Variants in PTPN4 observed in about 807,000 individuals in gnomAD.
The protein encoded by PTPN4 is tyrosine-protein phosphatase non-receptor type 4.
In PTPN4, 49 loss-of-function variants were observed where a neutral mutation model predicts 135.5. The observed-to-expected ratio is 0.36, with a 90% CI of 0.29 to 0.46. The LOEUF (loss-of-function observed/expected upper bound fraction) is 0.46, where lower values mean the gene tolerates loss of function less well. PTPN4 is among the 20% of genes least tolerant of loss of function. The probability of loss-of-function intolerance (pLI) is 1.00; values close to 1 mark genes in which losing one functional copy is unlikely to be tolerated. For missense variants in PTPN4, 860 were observed against 1,101.0 expected, an observed-to-expected ratio of 0.78 and a Z score of 3.10; for synonymous variants, 333 against 369.9, an observed-to-expected ratio of 0.90 and a Z score of 1.14.
At chr2:119,971,329 A>G (rs1301146874) in intron 26 of PTPN4, among the ~76,000 whole-genome samples, 1 of 152,228 alleles carries the variant, frequency 6.6e-6, no homozygotes, top group Non-Finnish European at 1.5e-5. Flanking sequence ...GTCTGCCCCC[A>G]TTATTCAGTC....
chr2:119,952,574 A>G (rs994344101), intron 19 of PTPN4, among the ~76,000 whole-genome samples: 1 of 152,212 alleles, frequency 6.6e-6, no homozygotes, highest in Non-Finnish European at 1.5e-5. Context: ...CTAGTACTCA[A>G]TAAATACTAG....
chr2:119,887,795 T>A (rs1558755366), intron 9 of PTPN4, among the ~76,000 whole-genome samples: 2 of 152,194 alleles, frequency 1.3e-5, no homozygotes, highest in Non-Finnish European at 2.9e-5. Context: ...TAATATATTT[T>A]GACATCAGGT....
rs901334707 is a variant in PTPN4, at chr2:119,780,844, A to G, written c.-18+20460A>G. Among the ~76,000 whole-genome samples the G allele has an allele frequency of 3.3e-5, 5 of 152,074 alleles. 1 individual carries two copies. Among genetic ancestry groups the G allele is most frequent in the Admixed American group, 6.5e-5 (1 of 15,268 alleles). Reference sequence around the variant, plus strand: ...GGATTATGTATCTTGTTACCCAACAACTCTCACCCAGTGATTTTAGCATTT... The same window carrying G: ...GGATTATGTATCTTGTTACCCAACAGCTCTCACCCAGTGATTTTAGCATTT... On this transcript the variant is annotated intron_variant, in intron 1 of 26. Transcript: ENST00000263708.
chr2:119,939,323 C>T (rs1408154648), intron 15 of PTPN4, among the ~76,000 whole-genome samples: 1 of 152,116 alleles, frequency 6.6e-6, no homozygotes, highest in African/African-American at 2.4e-5. Flanking sequence ...TATTTAGGGA[C>T]AGGGTCTTGC....
In PTPN4 at chr2:119,881,787, T is replaced by C; in HGVS notation, c.370T>C (p.Tyr124His). 1 of 1,555,190 alleles carries C rather than the reference T, an allele frequency of 6.4e-7. No individual in the cohort carries two copies. The highest frequency in any genetic ancestry group is 8.8e-7 in the Non-Finnish European group (1 of 1,135,670). ...CCTTTTTGTTTGTTTGTTTTTAAGGTACCAGTATTTTTTGCAAATTAAACA... is the reference window on the plus strand; with the variant it reads ...CCTTTTTGTTTGTTTGTTTTTAAGGCACCAGTATTTTTTGCAAATTAAACA... Reference protein sequence around the residue: ...PNKLQEEYTRYQYFLQIKQDI... With the variant: ...PNKLQEEYTRHQYFLQIKQDI... The change falls in exon 6 of 27, where the codon TAC becomes CAC. Residue 124 changes from tyrosine (Y) to histidine (H), a missense_variant and splice_region_variant. Around this residue, in one of 2 missense-constraint regions of PTPN4, gnomAD observed 684 missense variants for 807.0 expected, o/e 0.85. Coordinates refer to ENST00000263708, the MANE Select transcript of PTPN4 (RefSeq NM_002830.4).
intron 2 of PTPN4, 36 bp downstream of exon 2, chr2:119,810,027 G>A (rs779689866): frequency 6.4e-7 from 1 of 1,569,524 alleles, no homozygotes; most frequent in Non-Finnish European, 8.7e-7. Context: ...ATAATCTCTG[G>A]CTATAAGTCT....
chr2:119,902,293 GAAAAAACCC>G (rs1299435894), intron 10 of PTPN4, among the ~76,000 whole-genome samples: 1 of 152,162 alleles, frequency 6.6e-6, no homozygotes, highest in Non-Finnish European at 1.5e-5. Context: ...AGTGTTGAAA[GAAAAAACCC>G]ACCAACCTGG....
intron 2 of PTPN4, among the ~76,000 whole-genome samples, chr2:119,819,329 T>C (rs551311137): frequency 6.6e-6 from 1 of 152,360 alleles, no homozygotes; most frequent in East Asian, 1.9e-4. Context: ...CCGGTTTTTA[T>C]AGATGCTTGT....
At chr2:119,780,923 T>A (rs2104928110) in intron 1 of PTPN4, among the ~76,000 whole-genome samples, 1 of 152,338 alleles carries the variant, frequency 6.6e-6, no homozygotes. Flanking sequence ...TTTTTCTATT[T>A]CTGTTCTTCC....
At chr2:119,897,961 G>A (rs1678348495) in intron 9 of PTPN4, among the ~76,000 whole-genome samples, 1 of 152,194 alleles carries the variant, frequency 6.6e-6, no homozygotes. Context: ...TCTGTAAACT[G>A]TAGTTGGTCC....
At chr2:119,963,742 A>T (rs1679404736) in intron 24 of PTPN4, among the ~76,000 whole-genome samples, 1 of 152,226 alleles carries the variant, frequency 6.6e-6, no homozygotes, top group African/African-American at 2.4e-5. Context: ...TTGGGGACAT[A>T]TACTGTGTAG....
At chr2:119,905,073 G>A (rs1416867762) in intron 10 of PTPN4, among the ~76,000 whole-genome samples, 1 of 147,902 alleles carries the variant, frequency 6.8e-6, no homozygotes, top group East Asian at 2.0e-4. Flanking sequence ...GAAACAATAA[G>A]AGGATGAAAG....
At chr2:119,796,665 A>G (rs1015964803) in intron 1 of PTPN4, among the ~76,000 whole-genome samples, 2 of 152,224 alleles carry the variant, frequency 1.3e-5, no homozygotes, top group African/African-American at 2.4e-5. Context: ...ATTCATATAC[A>G]GATCTTTATA....
chr2:119,776,598 A>G (rs1690842462), intron 1 of PTPN4, among the ~76,000 whole-genome samples: 1 of 151,996 alleles, frequency 6.6e-6, no homozygotes. Flanking sequence ...CACCTCTTCT[A>G]TCTCTGCCAC....
At chr2:119,805,670 T>A (rs1342777564) in intron 1 of PTPN4, among the ~76,000 whole-genome samples, 1 of 152,202 alleles carries the variant, frequency 6.6e-6, no homozygotes, top group Non-Finnish European at 1.5e-5. Context: ...ACCATGCTGT[T>A]TTGGTTACTG....
chr2:119,791,493 T>G (rs1691147661), intron 1 of PTPN4, among the ~76,000 whole-genome samples: 1 of 152,210 alleles, frequency 6.6e-6, no homozygotes, highest in Non-Finnish European at 1.5e-5. Flanking sequence ...ACAAATTCTT[T>G]TAGGTTTTGT....
intron 22 of PTPN4, among the ~76,000 whole-genome samples, chr2:119,959,142 T>C (rs1484798725): frequency 3.3e-5 from 5 of 151,874 alleles, no homozygotes; most frequent in Non-Finnish European, 7.4e-5. Flanking sequence ...CCTGCAGCTG[T>C]TTTGAGGGTT....
At position 119,834,874 on chromosome 2, in the gene PTPN4, A is replaced by G. The variant is rs565047644; in HGVS notation, c.138+24883A>G. 7.2e-5 allele frequency among the ~76,000 whole-genome samples: 11 copies of G among 152,332 alleles called. 1 individual carries two copies. Among genetic ancestry groups the G allele is most frequent in the South Asian group, 6.2e-4 (3 of 4,826 alleles). ...ATACACTGAACAACAGTGTCTGGCA[A>G]TAGTAAGCAGTGAATAAGTTTAGCT... On this transcript the variant is annotated intron_variant, in intron 2 of 26. Coordinates refer to ENST00000263708, the MANE Select transcript of PTPN4 (RefSeq NM_002830.4).
chr2:119,760,757 G>A, intron 1 of PTPN4, among the ~76,000 whole-genome samples: 1 of 6,768 alleles, frequency 1.5e-4, no homozygotes, highest in Non-Finnish European at 3.6e-4. Flanking sequence ...TTTTTTTTTG[G>A]CTCATATGAG....
Sources: gnomAD v4.1 joint callset for allele counts (sites outside exome capture counted in the v4.1 genomes callset) on GRCh38, gnomAD v4.1.1 for gene constraint, gnomAD v4.1.1 regional missense constraint, MANE v1.5 for transcripts, NCBI Gene and HGNC (gene_info 2026-07-23, HGNC 2026-07-21) for gene names.